The following COLEC10 variants were observed in gnomAD, a reference collection of about 807,000 sequenced individuals.
The protein encoded by COLEC10 is collectin subfamily member 10.
COLEC10 carries 22 observed loss-of-function variants against 28.4 expected under a neutral mutation model. The observed-to-expected ratio is 0.78, with a 90% CI of 0.55 to 1.11. The LOEUF (loss-of-function observed/expected upper bound fraction) is 1.11, where lower values mean the gene tolerates loss of function less well. Among genes scored for constraint, COLEC10 ranks in the 50% least tolerant of loss-of-function variants. COLEC10 has a pLI of 0.00. For missense variants in COLEC10, 361 were observed against 344.1 expected (o/e 1.05, Z -0.39); for synonymous variants, 125 against 116.1 (o/e 1.08, Z -0.49).
intron 3 of COLEC10, among the ~76,000 whole-genome samples, chr8:119,097,748 A>G (rs16891997): frequency 0.038 from 5,769 of 152,176 alleles, 190 homozygotes; most frequent in South Asian, 0.11. Context: ...AATTTCTGAG[A>G]TGCAGCTATG....
chr8:118,995,114 A>G (rs1813567969), upstream of COLEC10, among the ~76,000 whole-genome samples: 1 of 152,218 alleles, frequency 6.6e-6, no homozygotes, highest in African/African-American at 2.4e-5. Context: ...CCTAACATAA[A>G]TACTACCCAG....
intron 3 of COLEC10, among the ~76,000 whole-genome samples, chr8:119,095,911 G>A (rs1160320198): frequency 1.3e-5 from 2 of 152,166 alleles, no homozygotes; most frequent in Non-Finnish European, 2.9e-5. Flanking sequence ...TTAGAATAGT[G>A]TAATTTCATG....
chr8:118,970,624 CT>C, the COLEC10 span, among the ~76,000 whole-genome samples: 10,443 of 143,754 alleles, frequency 0.073, 621 homozygotes, highest in East Asian at 0.17. Context: ...TTTTCTTTCT[CT>C]TTTTTTTTTT....
chr8:119,087,236 G>A (rs1165288962), intron 1 of COLEC10, among the ~76,000 whole-genome samples: 1 of 152,074 alleles, frequency 6.6e-6, no homozygotes, highest in Non-Finnish European at 1.5e-5. Context: ...GGAGATGCTA[G>A]AAAAAATCAC....
At chr8:118,965,151 A>G in the COLEC10 span, among the ~76,000 whole-genome samples, 1 of 152,208 alleles carries the variant, frequency 6.6e-6, no homozygotes, top group East Asian at 1.9e-4. Context: ...TGACTATTCT[A>G]TTATTTAAGA....
intron 2 of COLEC10, among the ~76,000 whole-genome samples, chr8:119,062,023 C>A (rs985834727): frequency 6.6e-6 from 1 of 151,906 alleles, no homozygotes. Context: ...AAACCAACAC[C>A]ACAATTATTA....
At chr8:118,964,923 T>G in the COLEC10 span, among the ~76,000 whole-genome samples, 286 of 152,278 alleles carry the variant, frequency 1.9e-3, no homozygotes, top group Non-Finnish European at 3.1e-3. Flanking sequence ...AAGTGTAAGC[T>G]GGGATACCAT....
rs1815852707 is a variant in COLEC10, at chr8:119,102,367, T to C, written c.312T>C (p.Gly104=). 1 of 1,609,012 alleles carries C rather than the reference T, an allele frequency of 6.2e-7. No individual in the cohort carries two copies. Among genetic ancestry groups the C allele is most frequent in the Admixed American group, 1.7e-5 (1 of 59,682 alleles). The change falls in exon 4 of 6, where the codon GGT becomes GGC. Residue 104 remains glycine, a synonymous_variant. Transcript: ENST00000332843. Reference sequence around the variant, plus strand: ...TTTCAGGTGACAAAGGGGAAAAAGGTTTGCTTGGAATACCTGGAGAAAAAG... The same window carrying C: ...TTTCAGGTGACAAAGGGGAAAAAGGCTTGCTTGGAATACCTGGAGAAAAAG... ...IGKKGDKGEK[G]LLGIPGEKGK... is the part of the protein sequence containing the mutation.
the COLEC10 span, among the ~76,000 whole-genome samples, chr8:118,988,439 C>T: frequency 6.6e-6 from 1 of 152,102 alleles, no homozygotes; most frequent in African/African-American, 2.4e-5. Context: ...ACTCTAGTCC[C>T]TTCCAACCCT....
chr8:119,067,165 C>G, upstream of COLEC10: 1 of 1,062,600 alleles, frequency 9.4e-7, no homozygotes. Context: ...CTCTGTAGCC[C>G]TTTTTGGAAT....
At chr8:119,074,032 G>T (rs1815178122) in intron 1 of COLEC10, among the ~76,000 whole-genome samples, 1 of 151,514 alleles carries the variant, frequency 6.6e-6, no homozygotes, top group East Asian at 1.9e-4. Context: ...TTTTGAATCT[G>T]AGCTCTGCCA....
chr8:119,069,629 A>AAAATATATATATATAT (rs1554627284), intron 1 of COLEC10, among the ~76,000 whole-genome samples: 1 of 42,882 alleles, frequency 2.3e-5, no homozygotes, highest in Non-Finnish European at 4.4e-5. Flanking sequence ...AAAAAAAAAA[A>AAAATATATATATATAT]ATATATATAT....
the COLEC10 span, among the ~76,000 whole-genome samples, chr8:118,965,884 C>A: frequency 5.3e-5 from 8 of 151,894 alleles, no homozygotes; most frequent in Non-Finnish European, 1.2e-4. Context: ...ATTATTCTTT[C>A]CAGGCCATGA....
In COLEC10 at chr8:118,999,000, G is replaced by A. The variant is rs1250989975; in HGVS notation, n.122+3427G>A. On this transcript the variant is annotated intron_variant and non_coding_transcript_variant, in intron 1 of 6. Coordinates refer to the COLEC10 transcript ENST00000521788. ...CCAGGCACTGTGCTAAGTACTCTATGTATATTATCACCTAATTTTCATAAG... is the reference window on the plus strand; with the variant it reads ...CCAGGCACTGTGCTAAGTACTCTATATATATTATCACCTAATTTTCATAAG... Among the ~76,000 whole-genome samples, 3 of 151,960 alleles carry A rather than the reference G, an allele frequency of 2.0e-5. No individual in the cohort carries two copies. In the East Asian group the frequency reaches 5.8e-4, roughly 29 times the overall value.
chr8:119,058,616 G>A (rs564480533), intron 2 of COLEC10, among the ~76,000 whole-genome samples: 12 of 151,978 alleles, frequency 7.9e-5, no homozygotes, highest in South Asian at 2.1e-4. Context: ...TACTTTTATC[G>A]TTGAATAGCA....
chr8:119,095,670 C>A (rs1466828197), intron 3 of COLEC10, among the ~76,000 whole-genome samples: 1 of 152,070 alleles, frequency 6.6e-6, no homozygotes, highest in East Asian at 1.9e-4. Flanking sequence ...GCACTGCACT[C>A]CAACCTGGGC....
At chr8:119,063,056 T>C (rs1219089066), upstream of COLEC10, 5 of 152,222 alleles carry the variant, frequency 3.3e-5, no homozygotes, top group Non-Finnish European at 7.3e-5. Context: ...TGTACTGTTA[T>C]GCTGTTTTAA....
the COLEC10 span, among the ~76,000 whole-genome samples, chr8:118,963,548 A>G: frequency 0.02 from 3,050 of 152,284 alleles, 97 homozygotes; most frequent in African/African-American, 0.068. Flanking sequence ...TATTTCATCA[A>G]TTCTAAGATG....
intron 2 of COLEC10, among the ~76,000 whole-genome samples, chr8:119,043,449 C>T (rs572892231): frequency 5.3e-4 from 80 of 152,262 alleles, no homozygotes; most frequent in African/African-American, 1.8e-3. Context: ...ACATGAGAGA[C>T]CCTGTTAAAA....
Sources: allele counts gnomAD v4.1 joint callset (sites outside exome capture counted in the v4.1 genomes callset), GRCh38; gene constraint gnomAD v4.1.1; transcripts MANE v1.5; gene names NCBI Gene and HGNC (gene_info 2026-07-23, HGNC 2026-07-21).